Variants in AQP5 observed in about 807,000 individuals in gnomAD.
AQP5 encodes aquaporin 5.
Under a neutral mutation model 19.1 loss-of-function variants are expected in AQP5, and 15 were observed. The ratio of observed to expected loss-of-function variants is 0.79; its 90% CI spans 0.53 to 1.21. AQP5 has a LOEUF of 1.21. Among genes scored for constraint, AQP5 ranks in the 50% most tolerant of loss-of-function variants. AQP5 has a pLI of 0.00. For synonymous variants in AQP5, 182 were observed against 160.3 expected (o/e 1.14, Z -1.02); for missense variants, 355 against 357.1 (o/e 0.99, Z 0.05).
intron 2 of AQP5, 184 bp downstream of exon 2, chr12:49,963,840 A>G: frequency 1.0e-6 from 1 of 952,794 alleles, no homozygotes; most frequent in African/African-American, 1.7e-5. Flanking sequence ...CTCTGGGCTG[A>G]GGAAAGATGG....
Position 49,965,062 on chromosome 12 carries a change from A to T in AQP5, c.683A>T (p.Asn228Ile). 6.2e-7 allele frequency: 1 copy of T among 1,613,422 alleles called. No homozygotes were observed. Among genetic ancestry groups the T allele is most frequent in the Non-Finnish European group, 8.5e-7 (1 of 1,179,862 alleles). ...CTTTACTTCTACCTGCTCTTCCCCA[A>T]CTCCCTGAGCCTGAGTGAGCGTGTG... ...AILYFYLLFP[N>I]SLSLSERVAI... The change falls in exon 4 of 4, where the codon AAC (asparagine) becomes ATC (isoleucine). Residue 228 changes from asparagine to isoleucine, a missense_variant. Transcript: ENST00000293599.
chr12:49,964,201 C>A, intron 3 of AQP5, 26 bp downstream of exon 3: 1 of 1,607,188 alleles, frequency 6.2e-7, no homozygotes, highest in South Asian at 1.1e-5. Flanking sequence ...CCCCTGGCTC[C>A]CTGGAGATGA....
At chr12:49,964,450 T>TGTGTCAATTCCCTTGAGGATTTG (rs1947465417) in intron 3 of AQP5, among the ~76,000 whole-genome samples, 1 of 152,160 alleles carries the variant, frequency 6.6e-6, no homozygotes, top group Admixed American at 6.5e-5. Context: ...AGAGGGGCTC[T>TGTGTCAATTCCCTTGAGGATTTG]GTGTCAATTC....
rs1947449486 is a variant in AQP5 at position 49,963,286 on chromosome 12, G to A, written c.364-206G>A. Reference sequence around the variant, plus strand: ...AGCTACCCTGACGCTCTGCCCTTTGGCCACAGGCCTGAGCTTCAAGCCTGT... The same window carrying A: ...AGCTACCCTGACGCTCTGCCCTTTGACCACAGGCCTGAGCTTCAAGCCTGT... On this transcript the variant is annotated intron_variant, in intron 1 of 3. Transcript: ENST00000293599. Among the ~76,000 whole-genome samples, 10 of 152,250 alleles carry A rather than the reference G, an allele frequency of 6.6e-5. 1 individual carries two copies. Among genetic ancestry groups the A allele is most frequent in the Admixed American group, 6.5e-4 (10 of 15,288 alleles).
At chr12:49,964,532 C>T in intron 3 of AQP5, 4 of 565,630 alleles carry the variant, frequency 7.1e-6, no homozygotes, top group Non-Finnish European at 6.7e-6. Flanking sequence ...TTTATCTGTC[C>T]CTGTTGAGGG....
chr12:49,962,531 A>AGG (rs1947440596), intron 1 of AQP5, 151 bp downstream of exon 1: 1 of 1,233,280 alleles, frequency 8.1e-7, no homozygotes, highest in Non-Finnish European at 1.1e-6. Context: ...CCAGGAAGGC[A>AGG]ACTCTCCAGG....
At chr12:49,962,491 C>G in intron 1 of AQP5, 111 bp downstream of exon 1, 1 of 1,433,254 alleles carries the variant, frequency 7.0e-7, no homozygotes, top group Non-Finnish European at 9.1e-7. Flanking sequence ...AGCCCACACC[C>G]TTCACCAGGA....
Position 49,962,182 on chromosome 12 carries a change from G to A in AQP5, c.165G>A (p.Thr55=), listed in dbSNP as rs772102909. The change falls in exon 1 of 4, where the codon ACG becomes ACA. Residue 55 remains threonine (T), a synonymous_variant. Transcript: ENST00000293599. ...TGGCGTTTGGCCTGGCCATAGGCACGCTGGCCCAGGCCCTGGGACCCGTGA... is the reference window on the plus strand; with the variant it reads ...TGGCGTTTGGCCTGGCCATAGGCACACTGGCCCAGGCCCTGGGACCCGTGA... ...IALAFGLAIG[T]LAQALGPVSG... 1.2e-6 allele frequency: 2 copies of A among 1,609,876 alleles called. No homozygotes were observed. The highest frequency in any genetic ancestry group is 1.7e-5 in the Admixed American group (1 of 59,992).
Position 49,965,438 on chromosome 12 carries a change from G to A in AQP5, c.*261G>A, listed in dbSNP as rs2137163340. ...TTGTGAATGCAGTGCCAAGCTCACA[G>A]GCTGCAAGGGCCAGGCCAGAAAAGG... On this transcript the variant is annotated 3_prime_UTR_variant, in exon 4 of 4. Transcript: ENST00000293599. 2.9e-6 allele frequency: 1 copy of A among 346,320 alleles called. No homozygotes were observed. The highest frequency in any genetic ancestry group is 5.2e-6 in the Non-Finnish European group (1 of 192,934). 21.5% of individuals were successfully genotyped at this position (346,320 alleles called of 1,614,324 possible).
intron 3 of AQP5, 126 bp downstream of exon 3, chr12:49,964,301 C>T: frequency 9.9e-7 from 1 of 1,006,824 alleles, no homozygotes; most frequent in South Asian, 1.4e-5. Context: ...GGAGTGGTGG[C>T]TGACAGAGAA....
chr12:49,962,411 C>T (rs757327298), intron 1 of AQP5, 31 bp downstream of exon 1: 3 of 1,495,592 alleles, frequency 2.0e-6, no homozygotes, highest in Middle Eastern at 2.5e-4. Flanking sequence ...GTGGGAGCCT[C>T]GACCCTGGGG....
chr12:49,962,160 C>T lies in AQP5; in HGVS notation c.143C>T (p.Ala48Val). ...ALPTILQIAL[A>V]FGLAIGTLAQ... The stretch of plus-strand genomic sequence containing the variant: ...CCTACCATCCTGCAGATCGCGCTGG[C>T]GTTTGGCCTGGCCATAGGCACGCTG... Residue 48 changes from alanine (A) to valine (V), a missense_variant, in exon 1 of 4, where the codon GCG (alanine) becomes GTG (valine). By Grantham distance (64) the Ala-to-Val change is moderately conservative. Coordinates refer to ENST00000293599, the MANE Select transcript of AQP5 (RefSeq NM_001651.4). 6.2e-7 allele frequency: 1 copy of T among 1,612,306 alleles called. No individual in the cohort carries two copies. The highest frequency in any genetic ancestry group is 8.5e-7 in the Non-Finnish European group (1 of 1,179,814).
rs376456881 is a variant in AQP5 at position 49,963,460 on chromosome 12, G to A, written c.364-32G>A. 103 of 1,608,086 alleles carry A rather than the reference G, an allele frequency of 6.4e-5. No individual in the cohort carries two copies. The Admixed American group carries it at 1.5e-3, about 24-fold the overall frequency. On this transcript the variant is annotated intron_variant, in intron 1 of 3. Coordinates refer to ENST00000293599, the MANE Select transcript of AQP5 (RefSeq NM_001651.4). Reference sequence around the variant, plus strand: ...GCCCCTGGCTATACAGCCAGAAGGTGGCCGGGGTCCTAACCCGCTATCCCC... The same window carrying A: ...GCCCCTGGCTATACAGCCAGAAGGTAGCCGGGGTCCTAACCCGCTATCCCC...
chr12:49,962,420 G>A (rs756387492), intron 1 of AQP5, 40 bp downstream of exon 1: 3 of 1,488,890 alleles, frequency 2.0e-6, no homozygotes, highest in Admixed American at 2.1e-5. Context: ...TCGACCCTGG[G>A]GTGGGCTCAG....
At position 49,965,291 on chromosome 12, in the gene AQP5, G is replaced by C. The variant is rs1327489032; in HGVS notation, c.*114G>C. 6 of 1,274,830 alleles carry C rather than the reference G, an allele frequency of 4.7e-6. No individual in the cohort carries two copies. The highest frequency in any genetic ancestry group is 6.3e-6 in the Non-Finnish European group (6 of 953,884). The allele number at this position is 1,274,830 out of a possible 1,614,324, so 79.0% of individuals were successfully genotyped here. A position where few individuals can be genotyped will look rare whatever the true frequency, so the allele number is the denominator to read the frequency against. Reference sequence around the variant, plus strand: ...ACCGGTCCTCTTGGCTGAGGAGGAGGAGCTGGTCACCCTGGCTGCACAGTT... The same window carrying C: ...ACCGGTCCTCTTGGCTGAGGAGGAGCAGCTGGTCACCCTGGCTGCACAGTT... On this transcript the variant is annotated 3_prime_UTR_variant, in exon 4 of 4. Transcript: ENST00000293599.
rs761990253 is a variant in AQP5 at position 49,961,998 on chromosome 12, G to A, written c.-20G>A. 20 of 1,351,194 alleles carry A rather than the reference G, an allele frequency of 1.5e-5. No homozygotes were observed. The highest frequency in any genetic ancestry group is 1.8e-5 in the Non-Finnish European group (19 of 1,045,820). 83.7% of individuals were successfully genotyped at this position (1,351,194 alleles called of 1,614,324 possible). A position where few individuals can be genotyped will look rare whatever the true frequency, so the allele number is the denominator to read the frequency against. The stretch of plus-strand genomic sequence containing the variant: ...GGCGCCCCCCGCCGCGGCAGCTGCC[G>A]CCGGGCCCCCGCGGCCACCATGAAG... On this transcript the variant is annotated 5_prime_UTR_variant, in exon 1 of 4. Coordinates refer to ENST00000293599, the MANE Select transcript of AQP5 (RefSeq NM_001651.4).
At position 49,964,991 on chromosome 12, in the gene AQP5, G is replaced by A. The variant is rs768670546; in HGVS notation, c.613-1G>A. 2 of 1,612,118 alleles carry A rather than the reference G, an allele frequency of 1.2e-6. No homozygotes were observed. Among genetic ancestry groups the A allele is most frequent in the South Asian group, 2.2e-5 (2 of 90,732 alleles). On this transcript the variant is annotated splice_acceptor_variant, in intron 3 of 3. Coordinates refer to ENST00000293599, the MANE Select transcript of AQP5 (RefSeq NM_001651.4). LOFTEE classifies it high-confidence loss of function. ...CCTGACTCCTGCCCTGTCTCCACCA[G>A]GTTTTCTGGGTAGGGCCCATCGTGG...
chr12:49,965,382 G>A lies in AQP5; in HGVS notation c.*205G>A, dbSNP rs1267891776. Reference sequence around the variant, plus strand: ...GGGGCCAGGGGCTGGGGTCTGCTGGGGACAGGTCTCTCTGGGACAGACCTC... The same window carrying A: ...GGGGCCAGGGGCTGGGGTCTGCTGGAGACAGGTCTCTCTGGGACAGACCTC... On this transcript the variant is annotated 3_prime_UTR_variant, in exon 4 of 4. Transcript: ENST00000293599. The A allele has an allele frequency of 1.5e-5, 9 of 589,962 alleles. No homozygotes were observed. Among genetic ancestry groups the A allele is most frequent in the Non-Finnish European group, 2.0e-5 (7 of 347,016 alleles). 36.5% of individuals were successfully genotyped at this position (589,962 alleles called of 1,614,324 possible). A position where few individuals can be genotyped will look rare whatever the true frequency, so the allele number is the denominator to read the frequency against.
chr12:49,964,353 G>C (rs919495919), intron 3 of AQP5, among the ~76,000 whole-genome samples, 178 bp downstream of exon 3: 2 of 152,182 alleles, frequency 1.3e-5, no homozygotes, highest in African/African-American at 4.8e-5. Flanking sequence ...AGGGGCAGAG[G>C]TGGCTTTGTA....
Sources: allele counts gnomAD v4.1 joint callset (sites outside exome capture counted in the v4.1 genomes callset), GRCh38; gene constraint gnomAD v4.1.1; transcripts MANE v1.5; gene names NCBI Gene and HGNC (gene_info 2026-07-23, HGNC 2026-07-21).